Variants in OSBPL9 observed in about 807,000 individuals in gnomAD.
OSBPL9 encodes the protein oxysterol binding protein like 9.
Under a neutral mutation model 106.6 loss-of-function variants are expected in OSBPL9, and 40 were observed. The ratio of observed to expected loss-of-function variants is 0.38; its 90% CI spans 0.29 to 0.49. OSBPL9 has a LOEUF of 0.49. OSBPL9 is among the 20% of genes least tolerant of loss of function. The pLI is 0.97. For synonymous variants in OSBPL9, 269 were observed against 295.4 expected, an observed-to-expected ratio of 0.91 and a Z score of 0.92; for missense variants, 609 against 887.2, an observed-to-expected ratio of 0.69 and a Z score of 3.98.
rs1288495985 is a variant in OSBPL9, at chr1:51,729,276, A to G, written c.318+15197A>G. ...ACTCCATCAACCCCCACGCGACACA[A>G]CTTTCCGGAAGTAAGCAAAATCCGT... On this transcript the variant is annotated intron_variant, in intron 4 of 23. Coordinates refer to ENST00000428468, the MANE Select transcript of OSBPL9 (RefSeq NM_024586.6). The surrounding 1 kb of genome is among the most constrained non-coding windows in gnomAD (Gnocchi z 5.1). 3.3e-5 allele frequency: 5 copies of G among 152,328 alleles called. No homozygotes were observed. The highest frequency in any genetic ancestry group is 7.3e-5 in the Non-Finnish European group (5 of 68,256). The allele number at this position is 152,328 out of a possible 1,614,324, so 9.4% of individuals were successfully genotyped here.
rs774383522 is a variant in OSBPL9, at chr1:51,761,942, A to G, written c.749A>G (p.His250Arg). The G allele has an allele frequency of 1.3e-5, 21 of 1,611,500 alleles. No individual in the cohort carries two copies. The highest frequency in any genetic ancestry group is 1.7e-5 in the Non-Finnish European group (20 of 1,177,744). ...GGACCTGTGTTGGCTACCTTGGGAC[A>G]TCATCAGACTCCTACACCAAATAGT... is the stretch of plus-strand genomic sequence containing the variant. ...PVGPVLATLG[H>R]HQTPTPNSTG... is the part of the protein sequence containing the mutation. Residue 250 changes from histidine (H) to arginine (R), a missense_variant, in exon 11 of 24, where the codon CAT becomes CGT. His to Arg is a conservative substitution (Grantham distance 29). Transcript: ENST00000428468.
chr1:51,771,240 G>A (rs2149104397), intron 12 of OSBPL9, among the ~76,000 whole-genome samples: 1 of 152,304 alleles, frequency 6.6e-6, no homozygotes, highest in African/African-American at 2.4e-5. Flanking sequence ...AGACTCATGT[G>A]TACTGTTTTA....
intron 1 of OSBPL9, among the ~76,000 whole-genome samples, chr1:51,626,135 C>T (rs1418920746): frequency 3.3e-5 from 5 of 152,216 alleles, no homozygotes; most frequent in Non-Finnish European, 7.3e-5. Context: ...TCTTTTGTCT[C>T]TCAATCCTCT....
intron 2 of OSBPL9, among the ~76,000 whole-genome samples, chr1:51,655,718 T>C (rs1646777197): frequency 6.6e-6 from 1 of 152,218 alleles, no homozygotes; most frequent in African/African-American, 2.4e-5. Context: ...CTGTGTTTGA[T>C]TCCCATTTTT....
chr1:51,551,937 A>G, the OSBPL9 span, among the ~76,000 whole-genome samples: 1 of 148,380 alleles, frequency 6.7e-6, no homozygotes, highest in Non-Finnish European at 1.5e-5. Context: ...ATTTACATAC[A>G]AAGTTTCAGC....
At chr1:51,549,867 AT>A in the OSBPL9 span, among the ~76,000 whole-genome samples, 3 of 152,038 alleles carry the variant, frequency 2.0e-5, no homozygotes, top group African/African-American at 7.3e-5. Context: ...TTAAAAAGGC[AT>A]TTTTTTTCCA....
At chr1:51,787,591 C>T (rs978596042) in intron 23 of OSBPL9, 103 bp downstream of exon 23, 23 of 1,599,664 alleles carry the variant, frequency 1.4e-5, no homozygotes, top group Admixed American at 3.4e-5. Context: ...ACAAGATGAT[C>T]GCTGGTCCCT....
chr1:51,739,257 A>G (rs1666361724), intron 4 of OSBPL9, among the ~76,000 whole-genome samples: 1 of 152,028 alleles, frequency 6.6e-6, no homozygotes, highest in Non-Finnish European at 1.5e-5. Context: ...ATTGAAAAAA[A>G]ATTCAGCTGG....
chr1:51,787,263 A>G (rs1436009905), intron 22 of OSBPL9, 90 bp from the exon 23 acceptor site: 1 of 1,302,906 alleles, frequency 7.7e-7, no homozygotes, highest in Non-Finnish European at 1.1e-6. Flanking sequence ...TACAGCACTT[A>G]AAGCCATTTG....
chr1:51,549,766 G>A, the OSBPL9 span, among the ~76,000 whole-genome samples: 2 of 152,248 alleles, frequency 1.3e-5, no homozygotes, highest in Non-Finnish European at 2.9e-5. Context: ...CCTGGAGGTG[G>A]AGGTTACAGT....
At chr1:51,653,846 T>A (rs530768865) in intron 2 of OSBPL9, among the ~76,000 whole-genome samples, 68 of 151,972 alleles carry the variant, frequency 4.5e-4, no homozygotes, top group Admixed American at 3.5e-3. Context: ...ACAAAAAATT[T>A]AAAAAATTAG....
At chr1:51,712,240 G>C (rs947300453) in intron 3 of OSBPL9, among the ~76,000 whole-genome samples, 1 of 152,226 alleles carries the variant, frequency 6.6e-6, no homozygotes, top group Non-Finnish European at 1.5e-5. Context: ...GCGAAACCCC[G>C]TCTCCACCAA....
intron 4 of OSBPL9, among the ~76,000 whole-genome samples, chr1:51,734,985 A>G (rs1298421897): frequency 6.6e-6 from 1 of 152,188 alleles, no homozygotes; most frequent in Admixed American, 6.5e-5. Flanking sequence ...GTTTGGGAAT[A>G]TGCCTTTTCT....
intron 16 of OSBPL9, 84 bp downstream of exon 16, chr1:51,781,419 A>ATTGTATACT: frequency 7.5e-7 from 1 of 1,339,328 alleles, no homozygotes; most frequent in South Asian, 1.3e-5. Context: ...TAATGATGAA[A>ATTGTATACT]GCAATGATCA....
At chr1:51,608,914 T>A (rs1343825924) in intron 2 of OSBPL9, among the ~76,000 whole-genome samples, 2 of 152,192 alleles carry the variant, frequency 1.3e-5, no homozygotes, top group Admixed American at 1.3e-4. Context: ...TACCAATAGT[T>A]TGTATGTTTA....
At chr1:51,734,824 G>T (rs984467842) in intron 4 of OSBPL9, among the ~76,000 whole-genome samples, 1 of 151,886 alleles carries the variant, frequency 6.6e-6, no homozygotes, top group Non-Finnish European at 1.5e-5. Context: ...CCCCTTGGTC[G>T]CCTTTCCCCC....
intron 7 of OSBPL9, among the ~76,000 whole-genome samples, chr1:51,749,880 A>G (rs1357275516): frequency 6.6e-6 from 1 of 150,402 alleles, no homozygotes; most frequent in African/African-American, 2.4e-5. Flanking sequence ...TGTCTCTTAA[A>G]AAAAAAAAAA....
intron 2 of OSBPL9, among the ~76,000 whole-genome samples, chr1:51,602,591 TA>T (rs1160824023): frequency 1.3e-5 from 2 of 150,630 alleles, no homozygotes; most frequent in South Asian, 2.1e-4. Context: ...CCCAGCTGAT[TA>T]AAAAAAAATT....
intron 15 of OSBPL9, among the ~76,000 whole-genome samples, chr1:51,780,247 G>T (rs1027908969): frequency 2.6e-5 from 4 of 151,630 alleles, no homozygotes; most frequent in Non-Finnish European, 5.9e-5. Context: ...GGTGGAAAGG[G>T]AACACTTTTA....
Sources: gnomAD v4.1 joint callset for allele counts (sites outside exome capture counted in the v4.1 genomes callset) on GRCh38, gnomAD v4.1.1 for gene constraint, Gnocchi (gnomAD v3.1) non-coding constraint, MANE v1.5 for transcripts, NCBI Gene and HGNC (gene_info 2026-07-23, HGNC 2026-07-21) for gene names.